The following LRRIQ1 variants were observed in gnomAD, a reference collection of about 807,000 sequenced individuals.
LRRIQ1 encodes leucine rich repeats and IQ motif containing 1.
LRRIQ1 carries 210 observed loss-of-function variants against 211.9 expected under a neutral mutation model. That is an observed-to-expected ratio of 0.99 (90% CI 0.89 to 1.11). LRRIQ1 has a LOEUF of 1.11. Ranked by LOEUF, LRRIQ1 falls within the 50% of genes most tolerant of loss-of-function variation. The pLI is 0.00. For missense variants in LRRIQ1, 2,136 were observed against 1,939.5 expected, an observed-to-expected ratio of 1.10 and a Z score of -1.90; for synonymous variants, 699 against 650.1, an observed-to-expected ratio of 1.08 and a Z score of -1.14.
intron 15 of LRRIQ1, 79 bp downstream of exon 15, chr12:85,106,694 A>G: frequency 1.1e-6 from 1 of 934,180 alleles, no homozygotes; most frequent in Non-Finnish European, 1.7e-6. Flanking sequence ...TGTCCTGTGA[A>G]TAACAATTAC....
At chr12:85,097,013 C>A (rs1390002924) in intron 11 of LRRIQ1, among the ~76,000 whole-genome samples, 1 of 152,102 alleles carries the variant, frequency 6.6e-6, no homozygotes, top group Non-Finnish European at 1.5e-5. Context: ...GCATGATAGA[C>A]GTTTCATGAA....
intron 11 of LRRIQ1, among the ~76,000 whole-genome samples, chr12:85,076,807 A>C (rs1229128507): frequency 1.3e-5 from 2 of 150,246 alleles, no homozygotes; most frequent in East Asian, 3.9e-4. Context: ...AGTCCACTAG[A>C]TGGTGCTAGC....
intron 13 of LRRIQ1, among the ~76,000 whole-genome samples, chr12:85,102,957 A>ATATAT (rs1383729830): frequency 5.0e-4 from 59 of 117,356 alleles, no homozygotes; most frequent in African/African-American, 1.8e-3. Flanking sequence ...AAAAAAAAAA[A>ATATAT]AAATATATAT....
intron 15 of LRRIQ1, among the ~76,000 whole-genome samples, chr12:85,119,158 G>A (rs1887797842): frequency 6.6e-6 from 1 of 152,006 alleles, no homozygotes; most frequent in African/African-American, 2.4e-5. Context: ...TCTGTGCTTT[G>A]CCTATTCATC....
intron 24 of LRRIQ1, among the ~76,000 whole-genome samples, chr12:85,202,161 T>G (rs1335079635): frequency 6.6e-6 from 1 of 151,866 alleles, no homozygotes; most frequent in Non-Finnish European, 1.5e-5. Context: ...ATAAATTCAG[T>G]TGTTGTTGTT....
At chr12:85,242,405 G>T (rs1488811667) in intron 26 of LRRIQ1, among the ~76,000 whole-genome samples, 2 of 151,746 alleles carry the variant, frequency 1.3e-5, no homozygotes, top group African/African-American at 4.8e-5. Context: ...CATTTATTTA[G>T]GTATTAGAAG....
At chr12:85,189,119 A>G (rs1240663719) in intron 24 of LRRIQ1, among the ~76,000 whole-genome samples, 1 of 152,150 alleles carries the variant, frequency 6.6e-6, no homozygotes, top group East Asian at 1.9e-4. Context: ...ATAAACAGTT[A>G]GCTAATTCAA....
At chr12:85,088,992 T>G (rs955043899) in intron 11 of LRRIQ1, among the ~76,000 whole-genome samples, 5 of 152,192 alleles carry the variant, frequency 3.3e-5, no homozygotes, top group Non-Finnish European at 5.9e-5. Context: ...ATAGGAGTGG[T>G]GAGAGAGGAC....
intron 8 of LRRIQ1, among the ~76,000 whole-genome samples, chr12:85,064,342 A>C (rs1034132616): frequency 2.0e-5 from 3 of 151,668 alleles, no homozygotes; most frequent in African/African-American, 7.3e-5. Context: ...ATCTATTCAG[A>C]TCTTTTGCCC....
rs112924533 is a variant in LRRIQ1 at position 85,200,992 on chromosome 12, CTT to C, written c.4823-28516_4823-28515del. 1.3e-3 allele frequency among the ~76,000 whole-genome samples: 193 copies of C among 146,696 alleles called. 1 individual carries two copies. Among genetic ancestry groups the C allele is most frequent in the African/African-American group, 4.6e-3 (188 of 40,630 alleles). ...ACGCCACCATTCCTGGCTAATTTTT[CTT>C]TTTTTTTTGTATTTTTAGTATAGAC... On this transcript the variant is annotated intron_variant, in intron 24 of 26. Coordinates refer to ENST00000393217, the MANE Select transcript of LRRIQ1 (RefSeq NM_001079910.2).
rs758484541 is a variant in LRRIQ1, at chr12:85,056,525, A to C, written c.1732A>C (p.Asn578His). The change falls in exon 8 of 27, where the codon AAT becomes CAT. Residue 578 changes from asparagine (N) to histidine (H), a missense_variant. Physicochemically the swap from Asn to His is moderately conservative, Grantham distance 68 (BLOSUM62 1). Coordinates refer to ENST00000393217, the MANE Select transcript of LRRIQ1 (RefSeq NM_001079910.2). ...TGAAGAGCAGAAAATAATCAAAGAT[A>C]ATCAGCAGAAAAAGATACAAAAAGT... Reference protein sequence around the residue: ...TNEEQKIIKDNQQKKIQKVEK... With the variant: ...TNEEQKIIKDHQQKKIQKVEK... 8.1e-6 allele frequency: 13 copies of C among 1,611,524 alleles called. No individual in the cohort carries two copies. The highest frequency in any genetic ancestry group is 1.0e-5 in the Non-Finnish European group (12 of 1,178,954).
At chr12:85,147,841 A>C (rs1368362956) in intron 19 of LRRIQ1, among the ~76,000 whole-genome samples, 2 of 151,710 alleles carry the variant, frequency 1.3e-5, no homozygotes, top group Non-Finnish European at 2.9e-5. Flanking sequence ...GTCCCACCCA[A>C]AATGGGAATT....
intron 19 of LRRIQ1, among the ~76,000 whole-genome samples, chr12:85,143,850 G>A (rs1376156827): frequency 1.3e-5 from 2 of 151,478 alleles, no homozygotes; most frequent in African/African-American, 2.4e-5. Flanking sequence ...TTTATGTTTT[G>A]TTTTTTAGTC....
intron 24 of LRRIQ1, among the ~76,000 whole-genome samples, chr12:85,169,810 A>G (rs566289916): frequency 6.6e-6 from 1 of 152,294 alleles, no homozygotes; most frequent in South Asian, 2.1e-4. Context: ...CAACAATAGT[A>G]TGGAAGGAGA....
At chr12:85,267,743 A>G (rs1440734766), downstream of LRRIQ1, among the ~76,000 whole-genome samples, 1 of 152,086 alleles carries the variant, frequency 6.6e-6, no homozygotes, top group Non-Finnish European at 1.5e-5. Context: ...ACAAAGTAAG[A>G]AATAAGCACA....
At position 85,058,416 on chromosome 12, in the gene LRRIQ1, A is replaced by G. The variant is rs1004891360; in HGVS notation, c.2391+1232A>G. Among the ~76,000 whole-genome samples the G allele has an allele frequency of 2.0e-5, 3 of 152,000 alleles. 1 individual carries two copies. The highest frequency in any genetic ancestry group is 4.4e-5 in the Non-Finnish European group (3 of 67,932). On this transcript the variant is annotated intron_variant, in intron 8 of 26. Transcript: ENST00000393217. The stretch of plus-strand genomic sequence containing the variant: ...AACATATTGCTGCAGGCCTTCCAAT[A>G]TGATAACATTAGCAATTATTTAGTT...
chr12:85,087,949 A>G (rs1399739792), intron 11 of LRRIQ1, among the ~76,000 whole-genome samples: 1 of 152,162 alleles, frequency 6.6e-6, no homozygotes, highest in Non-Finnish European at 1.5e-5. Flanking sequence ...CTTTAGTTTA[A>G]TTAGATCCCA....
At chr12:85,046,331 T>A (rs1049115860) in intron 5 of LRRIQ1, among the ~76,000 whole-genome samples, 194 bp downstream of exon 5, 1 of 152,200 alleles carries the variant, frequency 6.6e-6, no homozygotes, top group Admixed American at 6.5e-5. Context: ...TTTACTTGAT[T>A]TAAATATTTT....
At chr12:85,163,606 C>A (rs906567481) in intron 24 of LRRIQ1, among the ~76,000 whole-genome samples, 3 of 152,040 alleles carry the variant, frequency 2.0e-5, no homozygotes, top group Non-Finnish European at 4.4e-5. Flanking sequence ...TATGGGGTTT[C>A]CATGATTCTT....
Sources: gnomAD v4.1 joint callset for allele counts (sites outside exome capture counted in the v4.1 genomes callset) on GRCh38, gnomAD v4.1.1 for gene constraint, MANE v1.5 for transcripts, NCBI Gene and HGNC (gene_info 2026-07-23, HGNC 2026-07-21) for gene names.